PITRM1: variants seen among roughly 807,000 people sequenced by gnomAD.
The protein encoded by PITRM1 is presequence protease, mitochondrial.
In PITRM1, 100 loss-of-function variants were observed where a neutral mutation model predicts 129.9. The observed-to-expected ratio is 0.77, with a 90% confidence interval of 0.65 to 0.91. The LOEUF is 0.91. Among genes scored for constraint, PITRM1 ranks in the 40% least tolerant of loss-of-function variants. The probability of loss-of-function intolerance (pLI) is 0.00; values close to 1 mark genes in which losing one functional copy is unlikely to be tolerated. For synonymous variants in PITRM1, 591 were observed against 508.8 expected (o/e 1.16, Z -2.17); for missense variants, 1,471 against 1,318.3 (o/e 1.12, Z -1.79).
At chr10:3,153,782 C>G (rs1277283306) in intron 14 of PITRM1, among the ~76,000 whole-genome samples, 1 of 152,208 alleles carries the variant, frequency 6.6e-6, no homozygotes, top group Non-Finnish European at 1.5e-5. Context: ...TTCCACCTAA[C>G]GTCCACTCTT....
chr10:3,149,499 C>T, intron 16 of PITRM1, 122 bp downstream of exon 16: 3 of 1,012,168 alleles, frequency 3.0e-6, no homozygotes, highest in East Asian at 2.6e-5. Context: ...GTACACCATA[C>T]TTACACACTA....
At chr10:3,141,633 C>T (rs1218269426) in intron 23 of PITRM1, 11 of 469,086 alleles carry the variant, frequency 2.3e-5, no homozygotes, top group East Asian at 2.1e-4. Flanking sequence ...CGACAGAAGG[C>T]GGGGCAGACA....
chr10:3,144,188 C>A (rs1047558989), intron 22 of PITRM1, 104 bp downstream of exon 22: 13 of 688,868 alleles, frequency 1.9e-5, no homozygotes, highest in Admixed American at 5.1e-5. Context: ...GACACGCCAG[C>A]CCCACAGACA....
At chr10:3,166,128 G>T in intron 4 of PITRM1, 101 bp downstream of exon 4, 1 of 986,804 alleles carries the variant, frequency 1.0e-6, no homozygotes, top group Non-Finnish European at 1.4e-6. Context: ...TCTAGAACAT[G>T]AATTGCCCAC....
intron 18 of PITRM1, 60 bp downstream of exon 18, chr10:3,147,927 A>C (rs1841072439): frequency 2.2e-6 from 3 of 1,354,248 alleles, no homozygotes; most frequent in Non-Finnish European, 3.2e-6. Context: ...CCTTTAAAGT[A>C]CTTCAAACAA....
Position 3,145,705 on chromosome 10 carries a change from T to C in PITRM1, c.2348A>G (p.Asn783Ser). Residue 783 changes from asparagine to serine, a missense_variant, in exon 21 of 27, where the codon AAT becomes AGT. By Grantham distance (46) the Asn-to-Ser change is conservative. Coordinates refer to ENST00000224949, the MANE Select transcript of PITRM1 (RefSeq NM_014889.4). ...LNGDNMRCSV[N>S]ATPQQMPQTE... ...CTGAGGCATCTGCTGAGGAGTCGCATTCACTGAACACCTGTTTGAAAAATT... is the reference window on the plus strand; with the variant it reads ...CTGAGGCATCTGCTGAGGAGTCGCACTCACTGAACACCTGTTTGAAAAATT... The C allele has an allele frequency of 5.2e-6, 8 of 1,549,648 alleles. No homozygotes were observed. Among genetic ancestry groups the C allele is most frequent in the Non-Finnish European group, 7.0e-6 (8 of 1,145,044 alleles).
intron 17 of PITRM1, 23 bp downstream of exon 17, chr10:3,148,148 G>A (rs1368547872): frequency 6.2e-7 from 1 of 1,613,824 alleles, no homozygotes. Flanking sequence ...CACCGCAGCA[G>A]TCGTCTGACG....
At chr10:3,168,003 C>T (rs4881116) in intron 2 of PITRM1, 31,001 of 151,966 alleles carry the variant, frequency 0.2, 3,873 homozygotes, top group Non-Finnish European at 0.29. Context: ...CCATACTCCT[C>T]GGTATGAAAG....
chr10:3,149,734 C>G lies in PITRM1; in HGVS notation c.1758G>C (p.Gln586His). ...TGCCATTGGTGGGCTGGGCGCAGTA[C>G]TGAACAGGGATATCTCCAGCTAGAA... ...VVLTAGDIPV[Q>H]YCAQPTNGMV... is the part of the protein sequence containing the mutation. The change falls in exon 16 of 27, where the codon CAG (glutamine) becomes CAC (histidine). Residue 586 changes from glutamine (Q) to histidine (H), a missense_variant. Physicochemically the swap from Gln to His is conservative, Grantham distance 24. Transcript: ENST00000224949. The G allele has an allele frequency of 5.0e-6, 8 of 1,613,656 alleles. No homozygotes were observed. Among genetic ancestry groups the G allele is most frequent in the Non-Finnish European group, 6.8e-6 (8 of 1,179,812 alleles).
intron 22 of PITRM1, chr10:3,143,968 G>A: frequency 1.9e-6 from 1 of 527,966 alleles, no homozygotes; most frequent in Non-Finnish European, 3.4e-6. Flanking sequence ...CTCAGCTCGG[G>A]AGCTACGTTC....
rs780861459 is a variant in PITRM1 at position 3,138,001 on chromosome 10, G to T, written c.*30C>A. ...TTCAGCTCGGAGGTGTATTGTCTCGGGCTCCTGTGCAGTCGAGCGCCACGG... is the reference window on the plus strand; with the variant it reads ...TTCAGCTCGGAGGTGTATTGTCTCGTGCTCCTGTGCAGTCGAGCGCCACGG... On this transcript the variant is annotated 3_prime_UTR_variant, in exon 27 of 27. Coordinates refer to ENST00000224949, the MANE Select transcript of PITRM1 (RefSeq NM_014889.4). The T allele has an allele frequency of 7.6e-6, 10 of 1,313,258 alleles. No homozygotes were observed. The African/African-American group carries it at 8.7e-5, about 11-fold the overall frequency. The allele number at this position is 1,313,258 out of a possible 1,614,324, so 81.4% of individuals were successfully genotyped here. A position where few individuals can be genotyped will look rare whatever the true frequency, so the allele number is the denominator to read the frequency against.
At chr10:3,144,148 C>T (rs150136562) in intron 22 of PITRM1, 144 bp downstream of exon 22, 1 of 617,054 alleles carries the variant, frequency 1.6e-6, no homozygotes, top group East Asian at 2.7e-5. Context: ...GTGGCAGTGA[C>T]AAAGGATGCA....
chr10:3,166,239 G>A lies in PITRM1; in HGVS notation c.408C>T (p.Asn136=), dbSNP rs372307255. ...GGATGCTGGTCTTACCTGTGAAGGC[G>A]TTCATGAACGTGGAGAGGGACCGGT... ...MLNRSLSTFM[N]AFTASDYTLY... is the part of the protein sequence containing the mutation. The change falls in exon 4 of 27, where the codon AAC becomes AAT. Residue 136 remains asparagine (N), a synonymous_variant. Transcript: ENST00000224949. 202 of 1,610,880 alleles carry A rather than the reference G, an allele frequency of 1.3e-4. No individual in the cohort carries two copies. Among genetic ancestry groups the A allele is most frequent in the Admixed American group, 2.2e-4 (13 of 59,608 alleles).
At chr10:3,166,452 T>C in intron 3 of PITRM1, 72 bp from the exon 4 acceptor site, 1 of 810,866 alleles carries the variant, frequency 1.2e-6, no homozygotes. Context: ...AGATGCATCA[T>C]CACCTCAGGC....
At chr10:3,149,838 G>GT in intron 15 of PITRM1, 85 bp from the exon 16 acceptor site, 3 of 1,419,336 alleles carry the variant, frequency 2.1e-6, no homozygotes, top group Non-Finnish European at 2.0e-6. Flanking sequence ...GCTATTTATT[G>GT]TTTTTTCAAG....
intron 23 of PITRM1, among the ~76,000 whole-genome samples, chr10:3,141,277 TG>T (rs142556303): frequency 0.19 from 28,895 of 152,202 alleles, 3,343 homozygotes; most frequent in Non-Finnish European, 0.26. Flanking sequence ...TTCAAACAGT[TG>T]GCTTAGATTA....
rs1169527721 is a variant in PITRM1 at position 3,165,501 on chromosome 10, A to C, written c.445T>G (p.Ser149Ala). 2 of 1,608,240 alleles carry C rather than the reference A, an allele frequency of 1.2e-6. No homozygotes were observed. Among genetic ancestry groups the C allele is most frequent in the Non-Finnish European group, 1.7e-6 (2 of 1,174,878 alleles). ...TASDYTLYPF[S>A]TQNPKDFQNL... ...TGAAAGTCCTTGGGATTTTGTGTGG[A>C]AAATGGATACAGAGTATAATCACTA... Residue 149 changes from serine to alanine, a missense_variant, in exon 5 of 27, where the codon TCC becomes GCC. Physicochemically the swap from Ser to Ala is moderately conservative, Grantham distance 99. Coordinates refer to ENST00000224949, the MANE Select transcript of PITRM1 (RefSeq NM_014889.4).
intron 25 of PITRM1, 33 bp downstream of exon 25, chr10:3,138,871 G>T (rs764424541): frequency 6.2e-7 from 1 of 1,608,006 alleles, no homozygotes; most frequent in African/African-American, 1.3e-5. Flanking sequence ...GTGAGGCTGT[G>T]GGTTGAGATT....
intron 14 of PITRM1, among the ~76,000 whole-genome samples, chr10:3,152,028 T>C (rs1841570499): frequency 6.6e-6 from 1 of 152,182 alleles, no homozygotes. Context: ...ATTCCAGGCA[T>C]GAGTCACTGC....
Sources: allele counts gnomAD v4.1 joint callset (sites outside exome capture counted in the v4.1 genomes callset), GRCh38; gene constraint gnomAD v4.1.1; transcripts MANE v1.5; gene names NCBI Gene and HGNC (gene_info 2026-07-23, HGNC 2026-07-21).